Variants in TENM4 observed in about 807,000 individuals in gnomAD.
TENM4 encodes the protein teneurin-4.
TENM4 carries 82 observed loss-of-function variants against 243.3 expected under a neutral mutation model. That is an observed-to-expected ratio of 0.34 (90% CI 0.28 to 0.40). The LOEUF (loss-of-function observed/expected upper bound fraction) is 0.40. Among genes scored for constraint, TENM4 ranks in the 10% least tolerant of loss-of-function variants. The probability of loss-of-function intolerance (pLI) is 1.00; values close to 1 mark genes in which losing one functional copy is unlikely to be tolerated. For synonymous variants in TENM4, 1,412 were observed against 1,456.3 expected (o/e 0.97, Z 0.69); for missense variants, 3,138 against 3,673.3 (o/e 0.85, Z 3.77).
intron 6 of TENM4, among the ~76,000 whole-genome samples, chr11:79,004,930 C>A (rs1858438452): frequency 1.7e-5 from 2 of 118,976 alleles, no homozygotes; most frequent in Admixed American, 9.1e-5. Flanking sequence ...TTAATGATCC[C>A]ATAGAAATAC....
At chr11:78,676,460 G>T in intron 29 of TENM4, 73 bp from the exon 30 acceptor site, 1 of 1,270,308 alleles carries the variant, frequency 7.9e-7, no homozygotes. Context: ...AGCAGAGGCG[G>T]TGGAGGGGAC....
intron 12 of TENM4, among the ~76,000 whole-genome samples, chr11:78,832,811 T>C (rs530688): frequency 0.36 from 54,212 of 152,106 alleles, 10,249 homozygotes; most frequent in Middle Eastern, 0.47. Flanking sequence ...CTCCAGAGCT[T>C]ATCCTCTGAA....
intron 3 of TENM4, among the ~76,000 whole-genome samples, chr11:79,188,965 A>G (rs537648834): frequency 1.3e-5 from 2 of 152,332 alleles, no homozygotes; most frequent in African/African-American, 4.8e-5. Flanking sequence ...CCTAGTCCTC[A>G]TGGAAATTAT....
intron 1 of TENM4, among the ~76,000 whole-genome samples, chr11:79,305,885 A>G (rs945044174): frequency 1.3e-5 from 2 of 152,222 alleles, no homozygotes; most frequent in African/African-American, 2.4e-5. Flanking sequence ...AGCAACTTCT[A>G]GCAGCCTGGC....
intron 4 of TENM4, among the ~76,000 whole-genome samples, chr11:79,125,794 T>G (rs1035407405): frequency 6.6e-6 from 1 of 152,090 alleles, no homozygotes; most frequent in African/African-American, 2.4e-5. Flanking sequence ...TAATGTTGAC[T>G]CTCTTCAGGA....
intron 9 of TENM4, among the ~76,000 whole-genome samples, chr11:78,869,414 C>G (rs964942694): frequency 3.3e-5 from 5 of 149,430 alleles, no homozygotes; most frequent in Non-Finnish European, 7.4e-5. Flanking sequence ...TTACAGCAGA[C>G]GATTATTTCC....
At chr11:78,781,325 C>T (rs1388234560) in intron 16 of TENM4, among the ~76,000 whole-genome samples, 3 of 152,176 alleles carry the variant, frequency 2.0e-5, no homozygotes, top group Non-Finnish European at 4.4e-5. Context: ...AAGATGATGG[C>T]AGTAGGCATC....
intron 6 of TENM4, among the ~76,000 whole-genome samples, chr11:79,027,096 G>C (rs1354308844): frequency 6.6e-6 from 1 of 152,134 alleles, no homozygotes; most frequent in African/African-American, 2.4e-5. Context: ...AAGTAAATGT[G>C]GGTTGAACAA....
chr11:78,950,520 A>C (rs570312299), intron 6 of TENM4, among the ~76,000 whole-genome samples: 1 of 152,326 alleles, frequency 6.6e-6, no homozygotes, highest in South Asian at 2.1e-4. Flanking sequence ...AAGATTGTGA[A>C]GAGCCAGGCA....
At chr11:79,111,324 T>C (rs536811793) in intron 4 of TENM4, among the ~76,000 whole-genome samples, 1 of 152,078 alleles carries the variant, frequency 6.6e-6, no homozygotes, top group Non-Finnish European at 1.5e-5. Context: ...GGTGGGTAGA[T>C]TACAAGGTCA....
chr11:79,118,306 G>A (rs985177311), intron 4 of TENM4, among the ~76,000 whole-genome samples: 4 of 152,142 alleles, frequency 2.6e-5, no homozygotes, highest in African/African-American at 9.7e-5. Context: ...CACTGTATTA[G>A]GCTCTTTAGA....
In TENM4 at chr11:78,734,013, AC is replaced by A; in HGVS notation, c.2877-1437del. Among the ~76,000 whole-genome samples the A allele has an allele frequency of 2.0e-5, 3 of 152,050 alleles. No individual in the cohort carries two copies. The East Asian group carries it at 5.8e-4, about 29-fold the overall frequency. On this transcript the variant is annotated intron_variant, in intron 20 of 33. Transcript: ENST00000278550. ...AGACCAGCCTGGTCAACATGCTAAA[AC>A]CCCGTTTCTACTAAAAATACAAAAG...
intron 17 of TENM4, 39 bp downstream of exon 17, chr11:78,778,563 C>T: frequency 1.2e-6 from 2 of 1,602,938 alleles, no homozygotes; most frequent in East Asian, 2.2e-5. Context: ...CAAACACACA[C>T]ACAAAGACAA....
At chr11:78,781,928 C>T (rs1158723681) in intron 16 of TENM4, among the ~76,000 whole-genome samples, 1 of 152,146 alleles carries the variant, frequency 6.6e-6, no homozygotes, top group African/African-American at 2.4e-5. Flanking sequence ...CTGAAGTCTC[C>T]CAGGATCATC....
At chr11:78,822,716 T>C (rs1857760225) in intron 12 of TENM4, among the ~76,000 whole-genome samples, 1 of 151,968 alleles carries the variant, frequency 6.6e-6, no homozygotes, top group Non-Finnish European at 1.5e-5. Context: ...ACATGTACCC[T>C]GGAACTTAAG....
At chr11:78,985,665 G>T (rs1161704126) in intron 6 of TENM4, among the ~76,000 whole-genome samples, 2 of 152,204 alleles carry the variant, frequency 1.3e-5, no homozygotes, top group Non-Finnish European at 2.9e-5. Flanking sequence ...CGTTAAAGAA[G>T]TTAACCTATC....
intron 1 of TENM4, among the ~76,000 whole-genome samples, chr11:79,417,411 G>A (rs114999773): frequency 5.3e-5 from 8 of 152,230 alleles, no homozygotes; most frequent in Admixed American, 2.0e-4. Context: ...CCCAGATGCC[G>A]TTGTTTGGAC....
chr11:78,727,316 G>A (rs576382896), intron 22 of TENM4, among the ~76,000 whole-genome samples: 2 of 152,008 alleles, frequency 1.3e-5, no homozygotes, highest in South Asian at 4.2e-4. Flanking sequence ...GTGTGGTGGT[G>A]GGCGCCTGTA....
chr11:78,672,921 T>C (rs552077670), intron 30 of TENM4, among the ~76,000 whole-genome samples: 1 of 151,986 alleles, frequency 6.6e-6, no homozygotes, highest in African/African-American at 2.4e-5. Flanking sequence ...CTGTCGGGTG[T>C]CTCCTGCTTG....
Sources: allele counts gnomAD v4.1 joint callset (sites outside exome capture counted in the v4.1 genomes callset), GRCh38; gene constraint gnomAD v4.1.1; transcripts MANE v1.5; gene names NCBI Gene and HGNC (gene_info 2026-07-23, HGNC 2026-07-21).